The following SHPRH variants were observed in gnomAD, a reference collection of about 807,000 sequenced individuals.
SHPRH encodes the protein E3 ubiquitin-protein ligase SHPRH.
SHPRH carries 106 observed loss-of-function variants against 202.5 expected under a neutral mutation model. The ratio of observed to expected loss-of-function variants is 0.52; its 90% CI spans 0.45 to 0.62. The LOEUF (loss-of-function observed/expected upper bound fraction) is 0.62. Among genes scored for constraint, SHPRH ranks in the 20% least tolerant of loss-of-function variants. The pLI is 0.00. For missense variants in SHPRH, 1,710 were observed against 2,020.0 expected (o/e 0.85, Z 2.94); for synonymous variants, 729 against 686.0 (o/e 1.06, Z -0.98).
chr6:145,860,641 A>G (rs576062906), downstream of SHPRH, among the ~76,000 whole-genome samples: 15 of 152,108 alleles, frequency 9.9e-5, no homozygotes, highest in Non-Finnish European at 1.9e-4. Context: ...GAAATAGAAA[A>G]AAGAATCCTA....
At chr6:145,945,707 C>T in intron 7 of SHPRH, 70 bp from the exon 8 acceptor site, 1 of 1,458,476 alleles carries the variant, frequency 6.9e-7, no homozygotes, top group South Asian at 1.4e-5. Context: ...CTTGGTTAAT[C>T]TTAATCTGCA....
chr6:145,935,992 G>A (rs1786024947), intron 11 of SHPRH: 1 of 152,170 alleles, frequency 6.6e-6, no homozygotes, highest in African/African-American at 2.4e-5. Flanking sequence ...GTAGAAAAAT[G>A]ACTCAAATAA....
At chr6:145,913,637 A>G (rs1783691971) in intron 23 of SHPRH, 88 bp from the exon 24 acceptor site, 1 of 981,172 alleles carries the variant, frequency 1.0e-6, no homozygotes, top group Non-Finnish European at 1.5e-6. Flanking sequence ...ATGGAAGTGA[A>G]TACTGGCAAT....
chr6:145,890,984 T>A (rs1274954804), intron 28 of SHPRH, among the ~76,000 whole-genome samples: 1 of 151,270 alleles, frequency 6.6e-6, no homozygotes, highest in Non-Finnish European at 1.5e-5. Flanking sequence ...CCAGGATGAC[T>A]GCAATAGCCT....
intron 24 of SHPRH, 76 bp downstream of exon 24, chr6:145,913,402 A>G (rs995929447): frequency 2.1e-5 from 28 of 1,356,776 alleles, no homozygotes; most frequent in Non-Finnish European, 2.6e-5. Context: ...GAAAAACGAG[A>G]GAAAGATTTT....
rs920607851 is a variant in SHPRH, at chr6:145,894,872, A to C, written c.4608+13T>G. ...GTTCGAATTAATATTGAGGATGAAAATGTTGATTATACCGTTGAGAAAACG... is the reference window on the plus strand; with the variant it reads ...GTTCGAATTAATATTGAGGATGAAACTGTTGATTATACCGTTGAGAAAACG... On this transcript the variant is annotated intron_variant, in intron 26 of 29. Transcript: ENST00000275233. 6.2e-7 allele frequency: 1 copy of C among 1,610,802 alleles called. No homozygotes were observed. The highest frequency in any genetic ancestry group is 2.2e-5 in the East Asian group (1 of 44,762).
Position 145,950,484 on chromosome 6 carries a change from T to TG in SHPRH, c.764-3dup. The TG allele has an allele frequency of 6.2e-7, 1 of 1,612,118 alleles. No homozygotes were observed. The highest frequency in any genetic ancestry group is 8.5e-7 in the Non-Finnish European group (1 of 1,178,774). On this transcript the variant is annotated splice_region_variant and splice_polypyrimidine_tract_variant and intron_variant, in intron 3 of 29. Transcript: ENST00000275233. ...CATCTTCATCCTCTTCCAACACATC[T>TG]GTACATCACACAGCAAATGTACTCA...
At chr6:145,927,857 A>C (rs1304692210) in intron 14 of SHPRH, among the ~76,000 whole-genome samples, 1 of 151,932 alleles carries the variant, frequency 6.6e-6, no homozygotes, top group Non-Finnish European at 1.5e-5. Flanking sequence ...GGTCACACAA[A>C]TCATGGTCTG....
chr6:145,923,859 G>GTGA, intron 17 of SHPRH, 74 bp from the exon 18 acceptor site: 1 of 1,460,852 alleles, frequency 6.8e-7, no homozygotes, highest in African/African-American at 1.4e-5. Context: ...ACTGGGCAGG[G>GTGA]TGATGCCAAA....
Position 145,954,672 on chromosome 6 carries a change from C to A in SHPRH, c.633+18G>T. On this transcript the variant is annotated intron_variant, in intron 2 of 29. Transcript: ENST00000275233. ...ATGTAGAAGAGCCTCAAAAAAGACA[C>A]CACAAAAAACTGAGTACCTTGATAA... The A allele has an allele frequency of 6.5e-7, 1 of 1,542,342 alleles. No individual in the cohort carries two copies. Among genetic ancestry groups the A allele is most frequent in the Non-Finnish European group, 8.7e-7 (1 of 1,151,056 alleles).
chr6:145,957,447 G>A (rs1788620545), intron 1 of SHPRH, among the ~76,000 whole-genome samples: 1 of 152,072 alleles, frequency 6.6e-6, no homozygotes, highest in African/African-American at 2.4e-5. Flanking sequence ...GAAAATATTA[G>A]CAAATCAAGT....
intron 6 of SHPRH, 112 bp from the exon 7 acceptor site, chr6:145,946,453 T>C (rs553433123): frequency 8.2e-5 from 70 of 849,042 alleles, no homozygotes; most frequent in Non-Finnish European, 1.1e-4. Flanking sequence ...TCTAAAAAAA[T>C]TGCAAGAGAA....
At chr6:145,940,476 T>C (rs1445847624) in intron 11 of SHPRH, among the ~76,000 whole-genome samples, 2 of 151,210 alleles carry the variant, frequency 1.3e-5, no homozygotes, top group South Asian at 2.1e-4. Context: ...TTTAGGCAGG[T>C]ACAATAATTG....
At chr6:145,929,102 T>C (rs536387065) in intron 14 of SHPRH, among the ~76,000 whole-genome samples, 1 of 152,108 alleles carries the variant, frequency 6.6e-6, no homozygotes, top group South Asian at 2.1e-4. Flanking sequence ...CTGAATTTTA[T>C]CTATTCGTTA....
intron 1 of SHPRH, among the ~76,000 whole-genome samples, chr6:145,963,435 A>T (rs1789310302): frequency 1.3e-5 from 2 of 152,226 alleles, no homozygotes; most frequent in African/African-American, 4.8e-5. Flanking sequence ...CTACTTGGAA[A>T]AAGGGCACAA....
rs1041366294 is a variant in SHPRH, at chr6:145,945,536, C to T, written c.1423G>A (p.Asp475Asn). 6 of 1,613,080 alleles carry T rather than the reference C, an allele frequency of 3.7e-6. No individual in the cohort carries two copies. The highest frequency in any genetic ancestry group is 3.3e-5 in the Admixed American group (2 of 59,844). ...YKYVSSIYRY[D>N]VQRNRSLLKR... The stretch of plus-strand genomic sequence containing the variant: ...AAAAGACTCCTGTTCCGTTGAACAT[C>T]GTATCTATATATAGAACTGACATAC... The change falls in exon 8 of 30, where the codon GAT becomes AAT. Residue 475 changes from aspartate (D) to asparagine (N), a missense_variant. By Grantham distance (23) the Asp-to-Asn change is conservative. Coordinates refer to ENST00000275233, the MANE Select transcript of SHPRH (RefSeq NM_001042683.3).
intron 2 of SHPRH, among the ~76,000 whole-genome samples, chr6:145,867,109 T>C (rs749516681): frequency 6.6e-6 from 1 of 152,290 alleles, no homozygotes; most frequent in Non-Finnish European, 1.5e-5. Flanking sequence ...GAGGTCACTA[T>C]AGGGGAAATA....
At position 145,913,680 on chromosome 6, in the gene SHPRH, C is replaced by T. The variant is rs1032166850; in HGVS notation, c.4255-131G>A. 7 of 616,854 alleles carry T rather than the reference C, an allele frequency of 1.1e-5. No individual in the cohort carries two copies. The Admixed American group carries it at 1.7e-4, about 15-fold the overall frequency. The allele number at this position is 616,854 out of a possible 1,614,324, so 38.2% of individuals were successfully genotyped here. ...TACATAATCTAACAATTTAGATGAC[C>T]CATCGATCTCTATATTACCTAACAA... On this transcript the variant is annotated intron_variant, in intron 23 of 29. Transcript: ENST00000275233.
rs554405526 is a variant in SHPRH, at chr6:145,926,134, A to T, written c.3294+70T>A. ...ATTTGTATGTTGTATGTCCTAGGATATATCAACTATATGGAGCATAAAGTT... is the reference window on the plus strand; with the variant it reads ...ATTTGTATGTTGTATGTCCTAGGATTTATCAACTATATGGAGCATAAAGTT... On this transcript the variant is annotated intron_variant, in intron 16 of 29. Coordinates refer to ENST00000275233, the MANE Select transcript of SHPRH (RefSeq NM_001042683.3). 5.5e-6 allele frequency: 7 copies of T among 1,281,270 alleles called. No individual in the cohort carries two copies. In the East Asian group the frequency reaches 1.4e-4, roughly 26 times the overall value. The allele number at this position is 1,281,270 out of a possible 1,614,324, so 79.4% of individuals were successfully genotyped here. A position where few individuals can be genotyped will look rare whatever the true frequency, so the allele number is the denominator to read the frequency against.
Sources: gnomAD v4.1 joint callset for allele counts (sites outside exome capture counted in the v4.1 genomes callset) on GRCh38, gnomAD v4.1.1 for gene constraint, MANE v1.5 for transcripts, NCBI Gene and HGNC (gene_info 2026-07-23, HGNC 2026-07-21) for gene names.